The following DLGAP2 variants were observed in gnomAD, a reference collection of about 807,000 sequenced individuals.
DLGAP2 encodes DLG associated protein 2, also known as disks large-associated protein 2.
A neutral mutation model predicts 100.3 loss-of-function variants in DLGAP2; 26 were observed. The observed-to-expected ratio is 0.26, with a 90% CI of 0.19 to 0.36. The LOEUF (loss-of-function observed/expected upper bound fraction) is 0.36, where lower values mean the gene tolerates loss of function less well. Among genes scored for constraint, DLGAP2 ranks in the 10% least tolerant of loss-of-function variants. The pLI is 1.00. For synonymous variants in DLGAP2, 886 were observed against 630.1 expected (o/e 1.41, Z -6.08); for missense variants, 1,858 against 1,453.2 (o/e 1.28, Z -4.53).
chr8:1,141,645 A>G (rs535627152), intron 2 of DLGAP2, among the ~76,000 whole-genome samples: 1 of 152,336 alleles, frequency 6.6e-6, no homozygotes, highest in African/African-American at 2.4e-5. Context: ...AAGTATTAGC[A>G]AAAATTTGGA....
intron 3 of DLGAP2, among the ~76,000 whole-genome samples, chr8:1,445,983 G>A (rs1422820165): frequency 1.3e-5 from 2 of 150,720 alleles, no homozygotes; most frequent in Admixed American, 6.6e-5. Flanking sequence ...TGTAGATTCT[G>A]GATATTAGCC....
rs372780982 is a variant in DLGAP2 at position 1,494,871 on chromosome 8, G to A, written c.107-6495G>A. Among the ~76,000 whole-genome samples, 104 of 152,266 alleles carry A rather than the reference G, an allele frequency of 6.8e-4. 1 individual carries two copies. In the South Asian group the frequency reaches 0.015, roughly 22 times the overall value. On this transcript the variant is annotated intron_variant, in intron 3 of 14. Coordinates refer to ENST00000637795, the MANE Select transcript of DLGAP2 (RefSeq NM_001346810.2). ...CACGGAGATCTAACTCTTCTGTGGC[G>A]GCAGAGAACAAACTTAACTTCCCCA...
At chr8:1,336,254 A>G (rs970951216) in intron 3 of DLGAP2, among the ~76,000 whole-genome samples, 6 of 152,252 alleles carry the variant, frequency 3.9e-5, no homozygotes, top group African/African-American at 7.2e-5. Context: ...TGCTGATTCA[A>G]TGCTAGCATG....
intron 1 of DLGAP2, among the ~76,000 whole-genome samples, chr8:836,916 A>G (rs1532744): frequency 0.45 from 69,116 of 152,116 alleles, 16,855 homozygotes; most frequent in East Asian, 0.97. Flanking sequence ...GCCAGCGCAC[A>G]TGCACACACC....
At chr8:899,384 A>T (rs1390060404) in intron 1 of DLGAP2, among the ~76,000 whole-genome samples, 1 of 152,170 alleles carries the variant, frequency 6.6e-6, no homozygotes, top group Non-Finnish European at 1.5e-5. Flanking sequence ...CGCTGCTGAG[A>T]AGGGCCTCAG....
At chr8:1,078,404 C>T (rs1225583270) in intron 2 of DLGAP2, among the ~76,000 whole-genome samples, 2 of 152,162 alleles carry the variant, frequency 1.3e-5, no homozygotes, top group East Asian at 1.9e-4. Flanking sequence ...CAGTATTGAT[C>T]CATGATTATT....
At chr8:1,532,959 G>T (rs1459663495) in intron 4 of DLGAP2, among the ~76,000 whole-genome samples, 3 of 152,044 alleles carry the variant, frequency 2.0e-5, no homozygotes, top group African/African-American at 7.2e-5. Context: ...TCACACCTTT[G>T]TTGGGCTCTG....
At chr8:1,049,877 C>T (rs1372407203) in intron 2 of DLGAP2, among the ~76,000 whole-genome samples, 1 of 152,208 alleles carries the variant, frequency 6.6e-6, no homozygotes, top group Admixed American at 6.5e-5. Context: ...TACAGTCACA[C>T]ACAAGTACAT....
At chr8:1,319,093 G>A (rs991201587) in intron 3 of DLGAP2, among the ~76,000 whole-genome samples, 1 of 152,102 alleles carries the variant, frequency 6.6e-6, no homozygotes, top group African/African-American at 2.4e-5. Context: ...GGGATTAGCG[G>A]CCTCTGAGGT....
chr8:745,136 G>T (rs1399669525), intron 1 of DLGAP2, among the ~76,000 whole-genome samples: 1 of 152,230 alleles, frequency 6.6e-6, no homozygotes, highest in East Asian at 1.9e-4. Flanking sequence ...AAGCACAGCG[G>T]CAGGTTCTTT....
intron 2 of DLGAP2, among the ~76,000 whole-genome samples, chr8:1,078,355 G>A (rs533389080): frequency 6.9e-4 from 105 of 152,250 alleles, no homozygotes; most frequent in African/African-American, 2.3e-3. Context: ...TGCTGTTAGC[G>A]TCTCACATGA....
chr8:1,531,360 C>T (rs1404081572), intron 4 of DLGAP2, among the ~76,000 whole-genome samples: 1 of 151,736 alleles, frequency 6.6e-6, no homozygotes, highest in Non-Finnish European at 1.5e-5. Flanking sequence ...GAATAAGTTT[C>T]CAGGTCAAAT....
chr8:1,421,329 A>G (rs1056920516), intron 3 of DLGAP2, among the ~76,000 whole-genome samples: 2 of 152,164 alleles, frequency 1.3e-5, no homozygotes, highest in African/African-American at 4.8e-5. Context: ...TAGGCCTTGC[A>G]TACATTAGAA....
chr8:1,251,931 A>G (rs952003460), intron 2 of DLGAP2, among the ~76,000 whole-genome samples: 2 of 152,216 alleles, frequency 1.3e-5, no homozygotes, highest in African/African-American at 4.8e-5. Flanking sequence ...GTTTTCCCAC[A>G]GTCATGTTGT....
intron 5 of DLGAP2, among the ~76,000 whole-genome samples, chr8:1,561,360 A>T (rs1802155065): frequency 6.6e-6 from 1 of 152,088 alleles, no homozygotes; most frequent in African/African-American, 2.4e-5. Context: ...ACACGTGCAG[A>T]CCTGGGCACA....
At chr8:1,005,402 C>CTT (rs1801077287) in intron 2 of DLGAP2, among the ~76,000 whole-genome samples, 5 of 113,594 alleles carry the variant, frequency 4.4e-5, no homozygotes, top group African/African-American at 1.6e-4. Flanking sequence ...AACAACTCCA[C>CTT]TTGTTTTTTT....
chr8:1,166,480 C>G (rs1459070622), intron 2 of DLGAP2, among the ~76,000 whole-genome samples: 3 of 152,194 alleles, frequency 2.0e-5, no homozygotes, highest in Non-Finnish European at 4.4e-5. Context: ...TTAGAATATT[C>G]TGTTTGATTT....
At chr8:985,303 A>G (rs976464230) in intron 2 of DLGAP2, among the ~76,000 whole-genome samples, 1 of 152,200 alleles carries the variant, frequency 6.6e-6, no homozygotes, top group African/African-American at 2.4e-5. Context: ...TAGAATGCTC[A>G]CTGTTGGCAT....
At chr8:923,177 G>A (rs1057445144) in intron 2 of DLGAP2, among the ~76,000 whole-genome samples, 1 of 152,140 alleles carries the variant, frequency 6.6e-6, no homozygotes, top group African/African-American at 2.4e-5. Flanking sequence ...TGAATGAGAC[G>A]GGTGGTCTGT....
Sources: allele counts gnomAD v4.1 joint callset (sites outside exome capture counted in the v4.1 genomes callset), GRCh38; gene constraint gnomAD v4.1.1; transcripts MANE v1.5; gene names NCBI Gene and HGNC (gene_info 2026-07-23, HGNC 2026-07-21).